The following COL5A1 variants were observed in gnomAD, a reference collection of about 807,000 sequenced individuals.
The protein encoded by COL5A1 is collagen type V alpha 1 chain, also known as collagen alpha-1(V) chain.
In COL5A1, 16 loss-of-function variants were observed where a neutral mutation model predicts 263.7. The ratio of observed to expected loss-of-function variants is 0.06; its 90% CI spans 0.04 to 0.09. The LOEUF is 0.09. Ranked by LOEUF, COL5A1 falls within the 10% of genes least tolerant of loss-of-function variation. COL5A1 has a pLI of 1.00. For synonymous variants in COL5A1, 1,012 were observed against 1,004.5 expected (o/e 1.01, Z -0.14); for missense variants, 2,036 against 2,540.5 (o/e 0.80, Z 4.27).
At chr9:134,785,926 C>A in intron 30 of COL5A1, 69 bp from the exon 31 acceptor site, 1 of 1,453,916 alleles carries the variant, frequency 6.9e-7, no homozygotes, top group Non-Finnish European at 9.6e-7. Context: ...CATGTCCTTT[C>A]TCTCTGCTCC....
chr9:134,822,275 C>T (rs978980018), intron 59 of COL5A1, 125 bp downstream of exon 59: 6 of 815,276 alleles, frequency 7.4e-6, no homozygotes, highest in Middle Eastern at 2.7e-4. Flanking sequence ...ATTGGGGCCT[C>T]CAGGGTGGAT....
intron 36 of COL5A1, 54 bp from the exon 37 acceptor site, chr9:134,798,353 AG>A: frequency 4.6e-6 from 7 of 1,535,442 alleles, no homozygotes; most frequent in Non-Finnish European, 6.3e-6. Context: ...TAATTCTCAA[AG>A]GTGGTTGCTT....
intron 4 of COL5A1, among the ~76,000 whole-genome samples, chr9:134,715,831 C>G (rs146438988): frequency 4.7e-4 from 72 of 152,310 alleles, no homozygotes; most frequent in African/African-American, 1.7e-3. Context: ...AAAGTGGAGT[C>G]TCTTATGTCT....
At chr9:134,762,773 G>T (rs1411492985) in intron 19 of COL5A1, among the ~76,000 whole-genome samples, 3 of 152,202 alleles carry the variant, frequency 2.0e-5, no homozygotes, top group Non-Finnish European at 4.4e-5. Flanking sequence ...CATGGACGGG[G>T]CACCTGCTCC....
intron 29 of COL5A1, 45 bp downstream of exon 29, chr9:134,782,765 G>A: frequency 6.3e-7 from 1 of 1,586,558 alleles, no homozygotes; most frequent in Non-Finnish European, 8.7e-7. Flanking sequence ...AAGCTGGGTG[G>A]GCTTGGCCGT....
At chr9:134,671,847 G>T (rs981027461) in intron 1 of COL5A1, among the ~76,000 whole-genome samples, 3 of 152,236 alleles carry the variant, frequency 2.0e-5, no homozygotes, top group African/African-American at 7.2e-5. Context: ...GGCAAGTGCT[G>T]TCCGATGCCA....
intron 32 of COL5A1, among the ~76,000 whole-genome samples, chr9:134,792,864 TGC>T (rs767588974): frequency 1.2e-3 from 40 of 32,566 alleles, no homozygotes; most frequent in African/African-American, 2.2e-3. Context: ...CACGTGTGTG[TGC>T]GCGCGTTTGT....
intron 37 of COL5A1, among the ~76,000 whole-genome samples, chr9:134,798,874 G>T (rs904353012): frequency 6.6e-6 from 1 of 152,206 alleles, no homozygotes; most frequent in Non-Finnish European, 1.5e-5. Flanking sequence ...TTGAGAAAGT[G>T]CTGGGAAAGG....
At chr9:134,728,041 T>C (rs1300289228) in intron 5 of COL5A1, among the ~76,000 whole-genome samples, 1 of 152,262 alleles carries the variant, frequency 6.6e-6, no homozygotes, top group Non-Finnish European at 1.5e-5. Flanking sequence ...TATTAAATCC[T>C]GTTTATTTCT....
At chr9:134,673,545 T>A (rs1212412457) in intron 1 of COL5A1, among the ~76,000 whole-genome samples, 1 of 151,630 alleles carries the variant, frequency 6.6e-6, no homozygotes, top group Non-Finnish European at 1.5e-5. Context: ...GACCCTTACC[T>A]CAAATAATAT....
At chr9:134,814,302 G>T (rs534483561) in intron 49 of COL5A1, among the ~76,000 whole-genome samples, 20 of 152,334 alleles carry the variant, frequency 1.3e-4, no homozygotes, top group Non-Finnish European at 2.6e-4. Context: ...TGGCCCCTTC[G>T]CGGGGCAGCT....
At position 134,757,980 on chromosome 9, in the gene COL5A1, A is replaced by T. The variant is rs1459753662; in HGVS notation, c.1882-263A>T. Among the ~76,000 whole-genome samples the T allele has an allele frequency of 6.6e-6, 1 of 152,158 alleles. No homozygotes were observed. Among genetic ancestry groups the T allele is most frequent in the Non-Finnish European group, 1.5e-5 (1 of 68,022 alleles). Reference sequence around the variant, plus strand: ...GCGGTCGCTGAAATACCGCATGACTAAGGACCCGTCGGGGCCTGGGACTTG... The same window carrying T: ...GCGGTCGCTGAAATACCGCATGACTTAGGACCCGTCGGGGCCTGGGACTTG... On this transcript the variant is annotated intron_variant, in intron 17 of 65. Transcript: ENST00000371817. This position sits in a 1 kb window ranked among gnomAD's most constrained non-coding sequence, Gnocchi z 6.2.
chr9:134,805,125 C>T, intron 40 of COL5A1, 36 bp from the exon 41 acceptor site: 1 of 1,613,798 alleles, frequency 6.2e-7, no homozygotes, highest in Non-Finnish European at 8.5e-7. Flanking sequence ...GGCCTCTCCC[C>T]ACGTGCCCTT....
chr9:134,813,542 G>A (rs1170310237), intron 48 of COL5A1, among the ~76,000 whole-genome samples: 1 of 152,230 alleles, frequency 6.6e-6, no homozygotes, highest in African/African-American at 2.4e-5. Context: ...TGTCCCCGCT[G>A]TAGGGCGCAT....
intron 28 of COL5A1, among the ~76,000 whole-genome samples, chr9:134,780,863 C>T (rs532423990): frequency 7.9e-5 from 12 of 152,338 alleles, no homozygotes; most frequent in South Asian, 2.1e-4. Context: ...GCCTCAGGGG[C>T]GGCCTCACCG....
intron 1 of COL5A1, among the ~76,000 whole-genome samples, chr9:134,683,057 C>G (rs1187104666): frequency 1.3e-5 from 2 of 152,224 alleles, no homozygotes; most frequent in African/African-American, 2.4e-5. Context: ...AGGGGAGGCA[C>G]CCTCCCCTCT....
intron 17 of COL5A1, 90 bp downstream of exon 17, chr9:134,756,908 T>A (rs1383954208): frequency 1.6e-6 from 2 of 1,270,152 alleles, no homozygotes; most frequent in Non-Finnish European, 2.3e-6. Flanking sequence ...GGTTATGTGA[T>A]GACTACGATT....
chr9:134,669,850 G>T (rs1444152455), intron 1 of COL5A1, among the ~76,000 whole-genome samples: 1 of 152,192 alleles, frequency 6.6e-6, no homozygotes, highest in Non-Finnish European at 1.5e-5. Flanking sequence ...GGTGGGAACT[G>T]AGAACTGGGA....
chr9:134,727,363 C>T lies in COL5A1; in HGVS notation c.752C>T (p.Thr251Ile), dbSNP rs1383053009. The change falls in exon 5 of 66, where the codon ACC becomes ATC. Residue 251 changes from threonine to isoleucine, a missense_variant. Physicochemically the swap from Thr to Ile is moderately conservative, Grantham distance 89. This residue lies in a region of COL5A1 where 600 missense variants were observed against 634.5 expected (regional missense o/e 0.95). Coordinates refer to ENST00000371817, the MANE Select transcript of COL5A1 (RefSeq NM_000093.5). ...GACTGTGACACCGCAGTACCTGACA[C>T]CCCACAGTCGCAGGACCCCAATCCA... ...SPDCDTAVPD[T>I]PQSQDPNPDE... The T allele has an allele frequency of 3.1e-6, 5 of 1,613,954 alleles. No individual in the cohort carries two copies. The highest frequency in any genetic ancestry group is 8.5e-7 in the Non-Finnish European group (1 of 1,179,962).
Sources: gnomAD v4.1 joint callset for allele counts (sites outside exome capture counted in the v4.1 genomes callset) on GRCh38, gnomAD v4.1.1 for gene constraint, gnomAD v4.1.1 regional missense constraint, Gnocchi (gnomAD v3.1) non-coding constraint, MANE v1.5 for transcripts, NCBI Gene and HGNC (gene_info 2026-07-23, HGNC 2026-07-21) for gene names.